UTRN: variants seen among roughly 807,000 people sequenced by gnomAD.
UTRN encodes the protein dystrophin-related protein 1.
Under a neutral mutation model 463.9 loss-of-function variants are expected in UTRN, and 283 were observed. The ratio of observed to expected loss-of-function variants is 0.61; its 90% CI spans 0.55 to 0.67. The LOEUF (loss-of-function observed/expected upper bound fraction) is 0.67. Among genes scored for constraint, UTRN ranks in the 30% least tolerant of loss-of-function variants. The pLI, the probability that UTRN is intolerant of heterozygous loss-of-function variation, is 0.00. For missense variants in UTRN, 3,922 were observed against 4,084.3 expected, an observed-to-expected ratio of 0.96 and a Z score of 1.08; for synonymous variants, 1,442 against 1,431.5, an observed-to-expected ratio of 1.01 and a Z score of -0.17.
chr6:144,723,709 GA>G (rs1049009349), intron 53 of UTRN, among the ~76,000 whole-genome samples: 2 of 152,076 alleles, frequency 1.3e-5, no homozygotes, highest in African/African-American at 4.8e-5. Context: ...GACTAGAAAA[GA>G]AACAAATTAG....
intron 2 of UTRN, among the ~76,000 whole-genome samples, chr6:144,379,252 C>A (rs1333603189): frequency 6.6e-6 from 1 of 152,132 alleles, no homozygotes; most frequent in Non-Finnish European, 1.5e-5. Context: ...TTTAAAACAG[C>A]AAATATTTAT....
At position 144,416,068 on chromosome 6, in the gene UTRN, T is replaced by G. The variant is rs929673025; in HGVS notation, c.142-5810T>G. The stretch of plus-strand genomic sequence containing the variant: ...GTGTGTGTGTATGTGTGTGTGTGTG[T>G]GTGTGGGTGTGTGCATATTTGTGTG... On this transcript the variant is annotated intron_variant, in intron 3 of 74. Coordinates refer to ENST00000367545, the MANE Select transcript of UTRN (RefSeq NM_007124.3). 7.2e-5 allele frequency among the ~76,000 whole-genome samples: 11 copies of G among 152,086 alleles called. No individual in the cohort carries two copies. In the East Asian group the frequency reaches 1.7e-3, roughly 24 times the overall value.
chr6:144,621,375 T>C (rs1355288965), intron 51 of UTRN, among the ~76,000 whole-genome samples: 3 of 152,170 alleles, frequency 2.0e-5, no homozygotes, highest in Non-Finnish European at 4.4e-5. Flanking sequence ...TTTCTGACTT[T>C]GTACCTATCC....
intron 60 of UTRN, among the ~76,000 whole-genome samples, chr6:144,776,090 G>A (rs1367936909): frequency 1.3e-5 from 2 of 152,084 alleles, no homozygotes; most frequent in Non-Finnish European, 2.9e-5. Flanking sequence ...AAGGCCTCTG[G>A]GCCACTCCTG....
chr6:144,674,757 C>G (rs1187713033), intron 51 of UTRN, among the ~76,000 whole-genome samples: 1 of 152,126 alleles, frequency 6.6e-6, no homozygotes, highest in Non-Finnish European at 1.5e-5. Context: ...TGGGGTTTCA[C>G]CATGTTGCCC....
chr6:144,477,153 C>T (rs1393620607), intron 25 of UTRN, among the ~76,000 whole-genome samples: 6 of 152,004 alleles, frequency 3.9e-5, no homozygotes, highest in African/African-American at 7.3e-5. Flanking sequence ...GATATGGGAA[C>T]AGTAGAACTG....
At chr6:144,480,276 G>A (rs1284037881) in intron 26 of UTRN, among the ~76,000 whole-genome samples, 2 of 152,190 alleles carry the variant, frequency 1.3e-5, no homozygotes, top group Admixed American at 6.5e-5. Flanking sequence ...ACCTCTGGTA[G>A]TGGGCATGAG....
Position 144,851,033 on chromosome 6 carries a change from C to T in UTRN, c.*36C>T. On this transcript the variant is annotated 3_prime_UTR_variant, in exon 75 of 75. Coordinates refer to ENST00000367545, the MANE Select transcript of UTRN (RefSeq NM_007124.3). ...CGGCCAACCAATGTTTCCTGACGTA[C>T]AGTGTTGCCCTTTTCAGCAAATGCC... The T allele has an allele frequency of 6.2e-7, 1 of 1,613,480 alleles. No individual in the cohort carries two copies. Among genetic ancestry groups the T allele is most frequent in the Non-Finnish European group, 8.5e-7 (1 of 1,179,490 alleles).
chr6:144,722,256 T>G (rs2128709519), intron 53 of UTRN, among the ~76,000 whole-genome samples: 1 of 152,238 alleles, frequency 6.6e-6, no homozygotes, highest in East Asian at 1.9e-4. Flanking sequence ...GCACTTTCCA[T>G]TTTCTCTGCC....
chr6:144,348,934 CA>C (rs113161374), intron 2 of UTRN, among the ~76,000 whole-genome samples: 3 of 146,738 alleles, frequency 2.0e-5, no homozygotes, highest in African/African-American at 5.0e-5. Context: ...AACTCCATCT[CA>C]AAAAAAAACA....
intron 2 of UTRN, among the ~76,000 whole-genome samples, chr6:144,348,713 T>G (rs1376637524): frequency 2.6e-5 from 4 of 152,076 alleles, no homozygotes; most frequent in African/African-American, 9.7e-5. Context: ...GGCGGGCAGA[T>G]CACCTGAAGT....
intron 21 of UTRN, among the ~76,000 whole-genome samples, chr6:144,459,671 G>A (rs549372912): frequency 2.0e-4 from 31 of 152,064 alleles, no homozygotes; most frequent in Non-Finnish European, 4.0e-4. Flanking sequence ...CATAGCTGCA[G>A]TCTTGACCTC....
intron 51 of UTRN, among the ~76,000 whole-genome samples, chr6:144,676,330 A>G (rs116593134): frequency 1.3e-5 from 2 of 152,148 alleles, no homozygotes; most frequent in Non-Finnish European, 2.9e-5. Flanking sequence ...GATCTTTCAC[A>G]TCAATAATAA....
At chr6:144,333,968 T>TA (rs1776524710) in intron 2 of UTRN, among the ~76,000 whole-genome samples, 1 of 152,224 alleles carries the variant, frequency 6.6e-6, no homozygotes, top group South Asian at 2.1e-4. Context: ...CACTAGGTAT[T>TA]AAAAAAGTAC....
chr6:144,538,321 T>C (rs1196183555), intron 44 of UTRN, among the ~76,000 whole-genome samples: 2 of 152,166 alleles, frequency 1.3e-5, no homozygotes, highest in Non-Finnish European at 1.5e-5. Context: ...GTGTTAAGAA[T>C]TAAAATACTT....
intron 50 of UTRN, among the ~76,000 whole-genome samples, chr6:144,575,356 A>G (rs1310786075): frequency 6.6e-6 from 1 of 152,216 alleles, no homozygotes; most frequent in African/African-American, 2.4e-5. Flanking sequence ...TATTCCAGAC[A>G]TTTCTCCCTC....
Position 144,371,243 on chromosome 6 carries a change from G to A in UTRN, c.80-31880G>A, listed in dbSNP as rs539851620. Among the ~76,000 whole-genome samples the A allele has an allele frequency of 5.9e-5, 9 of 151,982 alleles. No individual in the cohort carries two copies. In the East Asian group the frequency reaches 1.5e-3, roughly 26 times the overall value. On this transcript the variant is annotated intron_variant, in intron 2 of 74. Transcript: ENST00000367545. ...AATACAAGATGATATTATTTATATT[G>A]TTTACAGGTTTTGTTTTTCCTTAGC...
At chr6:144,822,781 T>G (rs62427252) in intron 66 of UTRN, among the ~76,000 whole-genome samples, 16,540 of 152,088 alleles carry the variant, frequency 0.11, 1,589 homozygotes, top group Admixed American at 0.32. Flanking sequence ...ACTTTTTTTG[T>G]ATCCCATCCA....
At chr6:144,793,284 A>AT (rs148003097) in intron 62 of UTRN, among the ~76,000 whole-genome samples, 18,522 of 150,514 alleles carry the variant, frequency 0.12, 1,333 homozygotes, top group South Asian at 0.19. Context: ...GTGTTTTTTT[A>AT]TTTTTTTTTG....
Sources: gnomAD v4.1 joint callset for allele counts (sites outside exome capture counted in the v4.1 genomes callset) on GRCh38, gnomAD v4.1.1 for gene constraint, MANE v1.5 for transcripts, NCBI Gene and HGNC (gene_info 2026-07-23, HGNC 2026-07-21) for gene names.